Variants in GALNTL6 observed in about 807,000 individuals in gnomAD.
GALNTL6 encodes polypeptide N-acetylgalactosaminyltransferase like 6.
In GALNTL6, 46 loss-of-function variants were observed where a neutral mutation model predicts 73.7. The ratio of observed to expected loss-of-function variants is 0.62; its 90% confidence interval spans 0.49 to 0.80. The LOEUF is 0.80. GALNTL6 is among the 30% of genes least tolerant of loss of function. The pLI, the probability that GALNTL6 is intolerant of heterozygous loss-of-function variation, is 0.00. For synonymous variants in GALNTL6, 259 were observed against 263.7 expected, an observed-to-expected ratio of 0.98 and a Z score of 0.17; for missense variants, 604 against 755.0, an observed-to-expected ratio of 0.80 and a Z score of 2.34.
At chr4:172,385,179 G>A (rs1357602485) in intron 5 of GALNTL6, among the ~76,000 whole-genome samples, 3 of 151,574 alleles carry the variant, frequency 2.0e-5, no homozygotes, top group Middle Eastern at 3.2e-3. Context: ...TAAATTTATC[G>A]AGGTATGTTT....
At chr4:172,949,753 C>CA (rs1414627139) in intron 9 of GALNTL6, among the ~76,000 whole-genome samples, 2 of 151,282 alleles carry the variant, frequency 1.3e-5, no homozygotes, top group African/African-American at 4.9e-5. Flanking sequence ...ACTAAAAATA[C>CA]AAAAAATTAG....
Position 172,988,226 on chromosome 4 carries a change from G to A in GALNTL6, c.1372-20952G>A, listed in dbSNP as rs888365230. ...GGCTGAGGTGGTCTCAGATGGAGAT[G>A]AGGAACTTATTGGGAACTGGACTAA... is the stretch of plus-strand genomic sequence containing the variant. On this transcript the variant is annotated intron_variant, in intron 10 of 12. Coordinates refer to ENST00000506823, the MANE Select transcript of GALNTL6 (RefSeq NM_001034845.3). Among the ~76,000 whole-genome samples the A allele has an allele frequency of 3.3e-5, 5 of 152,190 alleles. No homozygotes were observed. The East Asian group carries it at 9.6e-4, about 29-fold the overall frequency.
chr4:171,870,604 T>C (rs1736110303), intron 2 of GALNTL6, among the ~76,000 whole-genome samples: 1 of 152,190 alleles, frequency 6.6e-6, no homozygotes, highest in Non-Finnish European at 1.5e-5. Flanking sequence ...AATTCATATG[T>C]TGAATTCCTA....
intron 3 of GALNTL6, among the ~76,000 whole-genome samples, chr4:172,277,515 A>G (rs1181881045): frequency 6.6e-6 from 1 of 152,224 alleles, no homozygotes; most frequent in Non-Finnish European, 1.5e-5. Context: ...TCTAGAGTCA[A>G]TAGGTAAGCA....
At chr4:172,307,763 G>A (rs1225004989) in intron 3 of GALNTL6, among the ~76,000 whole-genome samples, 1 of 152,060 alleles carries the variant, frequency 6.6e-6, no homozygotes, top group Non-Finnish European at 1.5e-5. Flanking sequence ...CTATAGCCTT[G>A]TAGTATAATT....
intron 5 of GALNTL6, among the ~76,000 whole-genome samples, chr4:172,474,436 G>A (rs1733162671): frequency 6.6e-6 from 1 of 152,120 alleles, no homozygotes; most frequent in Admixed American, 6.5e-5. Flanking sequence ...AGCTCTCCAA[G>A]GGCAATGTTC....
intron 5 of GALNTL6, among the ~76,000 whole-genome samples, chr4:172,365,462 G>A (rs527986308): frequency 6.6e-6 from 1 of 152,084 alleles, no homozygotes; most frequent in African/African-American, 2.4e-5. Context: ...TTAAAATGGT[G>A]GTTCTTGTCC....
chr4:171,986,037 C>CAAA (rs10686994), intron 2 of GALNTL6, among the ~76,000 whole-genome samples: 3,498 of 81,362 alleles, frequency 0.043, 390 homozygotes, highest in East Asian at 0.088. Flanking sequence ...GACTCTGTCT[C>CAAA]AAAAAAAAAA....
intron 5 of GALNTL6, among the ~76,000 whole-genome samples, chr4:172,795,440 A>G (rs1740209337): frequency 6.6e-6 from 1 of 152,202 alleles, no homozygotes; most frequent in Non-Finnish European, 1.5e-5. Context: ...AAAGAACCGA[A>G]TTGATTTTAT....
chr4:171,854,140 C>G (rs1414220046), intron 2 of GALNTL6, among the ~76,000 whole-genome samples: 1 of 152,146 alleles, frequency 6.6e-6, no homozygotes, highest in Admixed American at 6.5e-5. Flanking sequence ...TTGCTCATCT[C>G]TATAACCTCC....
intron 2 of GALNTL6, among the ~76,000 whole-genome samples, chr4:172,112,843 A>C (rs1732891424): frequency 6.6e-6 from 1 of 151,866 alleles, no homozygotes; most frequent in African/African-American, 2.4e-5. Flanking sequence ...TTTTAACCAT[A>C]AGATGTTATA....
chr4:172,626,660 A>G (rs996125905), intron 5 of GALNTL6, among the ~76,000 whole-genome samples: 5 of 151,932 alleles, frequency 3.3e-5, no homozygotes, highest in African/African-American at 4.8e-5. Context: ...TATTTGTGTC[A>G]TCTCTGATTT....
At chr4:172,441,808 C>G (rs1731847362) in intron 5 of GALNTL6, among the ~76,000 whole-genome samples, 1 of 152,124 alleles carries the variant, frequency 6.6e-6, no homozygotes, top group Non-Finnish European at 1.5e-5. Context: ...GAAACTACCC[C>G]AGCAAGTGCT....
intron 5 of GALNTL6, among the ~76,000 whole-genome samples, chr4:172,682,336 AT>A (rs1355784769): frequency 6.6e-6 from 1 of 152,172 alleles, no homozygotes; most frequent in African/African-American, 2.4e-5. Flanking sequence ...CTCATTAAAT[AT>A]TTTTAATGTG....
chr4:172,535,509 A>T (rs1735317312), intron 5 of GALNTL6, among the ~76,000 whole-genome samples: 1 of 152,226 alleles, frequency 6.6e-6, no homozygotes, highest in Admixed American at 6.5e-5. Flanking sequence ...CCAAAATTCC[A>T]ATCTATTTCA....
intron 2 of GALNTL6, among the ~76,000 whole-genome samples, chr4:172,090,136 T>C (rs1732159931): frequency 6.6e-6 from 1 of 152,216 alleles, no homozygotes; most frequent in Admixed American, 6.5e-5. Context: ...GTCTTTGCTA[T>C]TGTGAACGGT....
intron 5 of GALNTL6, among the ~76,000 whole-genome samples, chr4:172,364,057 T>G (rs748243711): frequency 6.6e-6 from 1 of 152,218 alleles, no homozygotes; most frequent in Non-Finnish European, 1.5e-5. Context: ...GGTGTGGTAT[T>G]AATTATTTTA....
chr4:172,378,318 A>G (rs1743127855), intron 5 of GALNTL6, among the ~76,000 whole-genome samples: 1 of 152,156 alleles, frequency 6.6e-6, no homozygotes, highest in Non-Finnish European at 1.5e-5. Context: ...AGGAAAAAGG[A>G]CCTTGCTTCA....
intron 2 of GALNTL6, among the ~76,000 whole-genome samples, chr4:171,910,108 T>C (rs1737428274): frequency 6.6e-6 from 1 of 152,160 alleles, no homozygotes; most frequent in African/African-American, 2.4e-5. Context: ...CTAGAAACAC[T>C]TAGCTAGCAT....
Sources: gnomAD v4.1 joint callset for allele counts (sites outside exome capture counted in the v4.1 genomes callset) on GRCh38, gnomAD v4.1.1 for gene constraint, MANE v1.5 for transcripts, NCBI Gene and HGNC (gene_info 2026-07-23, HGNC 2026-07-21) for gene names.